Variants in ARMCX4 observed in about 807,000 individuals in gnomAD.
ARMCX4 encodes armadillo repeat containing X-linked 4.
Under a neutral mutation model 34.7 loss-of-function variants are expected in ARMCX4, and 3 were observed. The observed-to-expected ratio is 0.09, with a 90% CI of 0.04 to 0.22. ARMCX4 has a LOEUF of 0.22. Ranked by LOEUF, ARMCX4 falls within the 10% of genes least tolerant of loss-of-function variation. The probability of loss-of-function intolerance (pLI) is 1.00; values close to 1 mark genes in which losing one functional copy is unlikely to be tolerated. For synonymous variants in ARMCX4, 513 were observed against 632.8 expected (o/e 0.81, Z 2.84); for missense variants, 1,448 against 1,720.8 (o/e 0.84, Z 2.81).
At chrX:101,449,824 A>G (rs1032418786), downstream of ARMCX4, among the ~76,000 whole-genome samples, 2 of 111,289 alleles carry the variant, frequency 1.8e-5, no homozygotes, top group African/African-American at 6.6e-5. Context: ...TGTATTATTT[A>G]CAGTCTGGGC....
At chrX:101,510,956 T>C (rs1237966220) in intron 10 of ARMCX4, 1 of 111,538 alleles carries the variant, frequency 9.0e-6, no homozygotes, top group Non-Finnish European at 1.9e-5. Context: ...TCTCTGAAAA[T>C]GTTTAGGTTC....
chrX:101,534,058 A>G (rs1416396542), downstream of ARMCX4, among the ~76,000 whole-genome samples: 1 of 111,980 alleles, frequency 8.9e-6, no homozygotes, highest in East Asian at 2.8e-4. Context: ...AAAATAAGAA[A>G]AAAAATCTAA....
intron 11 of ARMCX4, among the ~76,000 whole-genome samples, chrX:101,515,224 G>A (rs1484809122): frequency 9.0e-6 from 1 of 111,051 alleles, no homozygotes; most frequent in Non-Finnish European, 1.9e-5. Flanking sequence ...TGGTCACTCA[G>A]AACCTTGACT....
At position 101,456,952 on chromosome X, in the gene ARMCX4, T is replaced by C. The variant is rs199575542; in HGVS notation, c.-473+10908T>C. 1.1e-4 allele frequency among the ~76,000 whole-genome samples: 12 copies of C among 111,648 alleles called. No homozygotes were observed. The East Asian group carries it at 3.3e-3, about 31-fold the overall frequency. The stretch of plus-strand genomic sequence containing the variant: ...ATTTTATTTTAAAATTATTTTATTT[T>C]ACTTTGAGGTGGGGATTTGCTATGT... On this transcript the variant is annotated intron_variant and NMD_transcript_variant, in intron 4 of 15. Transcript: ENST00000433011.
intron 2 of ARMCX4, among the ~76,000 whole-genome samples, chrX:101,436,319 T>C (rs1173367229): frequency 9.0e-6 from 1 of 111,119 alleles, no homozygotes; most frequent in Non-Finnish European, 1.9e-5. Context: ...TTTTATTTCC[T>C]TGAGCAGTGG....
chrX:101,445,221 A>G (rs1555997742), intron 3 of ARMCX4, among the ~76,000 whole-genome samples: 3 of 112,158 alleles, frequency 2.7e-5, no homozygotes, highest in Non-Finnish European at 3.8e-5. Flanking sequence ...ACCCCAGCCA[A>G]TGGTATATTT....
intron 11 of ARMCX4, among the ~76,000 whole-genome samples, chrX:101,521,324 A>G (rs1421480487): frequency 9.0e-6 from 1 of 111,580 alleles, no homozygotes; most frequent in African/African-American, 3.3e-5. Flanking sequence ...GTCCAATTTC[A>G]TATATGATAT....
intron 11 of ARMCX4, among the ~76,000 whole-genome samples, chrX:101,531,120 C>G (rs1435566975): frequency 9.0e-6 from 1 of 111,729 alleles, no homozygotes; most frequent in Non-Finnish European, 1.9e-5. Context: ...TACAGGCGGC[C>G]TGAATTCCAC....
chrX:101,487,469 G>A (rs2147662678), intron 3 of ARMCX4, 139 bp from the exon 4 acceptor site: 1 of 233,589 alleles, frequency 4.3e-6, no homozygotes, highest in African/African-American at 3.0e-5. Flanking sequence ...GACTTGATGG[G>A]GGGACCATGA....
Position 101,433,264 on chromosome X carries a change from A to C in ARMCX4, n.165-10788A>C, listed in dbSNP as rs781972421. 1.1e-4 allele frequency among the ~76,000 whole-genome samples: 12 copies of C among 108,106 alleles called. No individual in the cohort carries two copies. The South Asian group carries it at 3.1e-3, about 28-fold the overall frequency. The allele number at this position is 108,106 out of a possible 115,157, so 93.9% of individuals were successfully genotyped here. A position where few individuals can be genotyped will look rare whatever the true frequency, so the allele number is the denominator to read the frequency against. On this transcript the variant is annotated intron_variant and non_coding_transcript_variant, in intron 2 of 3. Coordinates refer to the ARMCX4 transcript ENST00000430461. ...TGTATATATACACACATATATACATATATGTACACATGTACGTACACATAT... is the reference window on the plus strand; with the variant it reads ...TGTATATATACACACATATATACATCTATGTACACATGTACGTACACATAT...
At chrX:101,437,334 G>T (rs1396155111) in intron 2 of ARMCX4, among the ~76,000 whole-genome samples, 1 of 111,707 alleles carries the variant, frequency 9.0e-6, no homozygotes, top group Non-Finnish European at 1.9e-5. Context: ...CCTGTTATTG[G>T]TCTATTCAGA....
At chrX:101,526,506 G>A (rs1556020570) in intron 11 of ARMCX4, among the ~76,000 whole-genome samples, 1 of 111,806 alleles carries the variant, frequency 8.9e-6, no homozygotes, top group Non-Finnish European at 1.9e-5. Flanking sequence ...ATGTAAATGG[G>A]CTAAATGCCC....
chrX:101,467,354 T>C (rs991164514), intron 4 of ARMCX4, among the ~76,000 whole-genome samples: 7 of 111,723 alleles, frequency 6.3e-5, no homozygotes, highest in Non-Finnish European at 1.3e-4. Flanking sequence ...TTTCACCATG[T>C]TGGCCAGGAT....
intron 2 of ARMCX4, among the ~76,000 whole-genome samples, chrX:101,442,238 C>T (rs1402570086): frequency 8.9e-6 from 1 of 112,212 alleles, no homozygotes; most frequent in Non-Finnish European, 1.9e-5. Flanking sequence ...CCAAGATAGG[C>T]CTCGAGAGCT....
downstream of ARMCX4, among the ~76,000 whole-genome samples, chrX:101,452,270 G>C (rs1932028365): frequency 9.0e-6 from 1 of 111,576 alleles, no homozygotes; most frequent in Admixed American, 9.6e-5. Flanking sequence ...GAGGAAGAGA[G>C]TTAATCTGTG....
chrX:101,494,036 A>AGGCTGGGGCTGGGGCTGGGGCTGG lies in ARMCX4; in HGVS notation c.5464_5465insGGGCTGGGGCTGGGGCTGGGGCTG (p.Ala1821_Glu1822insGlyAlaGlyAlaGlyAlaGlyAla). Reference sequence around the variant, plus strand: ...GGGGCTGAGGCTGGGGCTGGGGCTGAGGCTGGGGCTGGGGCTGAGGCTGGG... The same window carrying AGGCTGGGGCTGGGGCTGGGGCTGG: ...GGGGCTGAGGCTGGGGCTGGGGCTGAGGCTGGGGCTGGGGCTGGGGCTGGGGCTGGGGCTGGGGCTGAGGCTGGG... On this transcript the variant is annotated inframe_insertion, in exon 6 of 6. Transcript: ENST00000423738. The AGGCTGGGGCTGGGGCTGGGGCTGG allele has an allele frequency of 8.4e-6, 2 of 238,406 alleles. No individual in the cohort carries two copies. The highest frequency in any genetic ancestry group is 1.2e-5 in the Non-Finnish European group (2 of 171,179). 19.6% of individuals were successfully genotyped at this position (238,406 alleles called of 1,213,427 possible).
Position 101,491,806 on chromosome X carries a change from A to G in ARMCX4, c.3217A>G (p.Thr1073Ala). The G allele has an allele frequency of 2.6e-6, 3 of 1,156,649 alleles. No individual in the cohort carries two copies. The highest frequency in any genetic ancestry group is 6.5e-5 in the East Asian group (2 of 30,799). The change falls in exon 6 of 6, where the codon ACT becomes GCT. Residue 1073 changes from threonine to alanine, a missense_variant. This residue lies in a region of ARMCX4 where 1,343 missense variants were observed against 1,540.7 expected (regional missense o/e 0.87). Coordinates refer to ENST00000423738, the MANE Select transcript of ARMCX4 (RefSeq NM_001256155.3). ...AAAGCCTGAGGCTGAGGCCATGCCC[A>G]CTTCTGAGAGTGAGGGTGGGTCAGG... Reference protein sequence around the residue: ...YAKPEAEAMPTSESEGGSGTQ... With the variant: ...YAKPEAEAMPASESEGGSGTQ...
At chrX:101,448,166 A>G (rs996610610), downstream of ARMCX4, among the ~76,000 whole-genome samples, 1 of 111,927 alleles carries the variant, frequency 8.9e-6, no homozygotes, top group Non-Finnish European at 1.9e-5. Context: ...GTTGCAAAAG[A>G]CAGGATCTCA....
intron 2 of ARMCX4, among the ~76,000 whole-genome samples, chrX:101,432,938 GTA>G (rs1230725217): frequency 1.1e-5 from 1 of 89,580 alleles, no homozygotes; most frequent in African/African-American, 4.1e-5. Flanking sequence ...ATATATACGT[GTA>G]TATATACACA....
Sources: allele counts gnomAD v4.1 joint callset (sites outside exome capture counted in the v4.1 genomes callset), GRCh38; gene constraint gnomAD v4.1.1; regional missense constraint gnomAD v4.1.1; transcripts MANE v1.5; gene names NCBI Gene and HGNC (gene_info 2026-07-23, HGNC 2026-07-21).